The following SBNO2 variants were observed in gnomAD, a reference collection of about 807,000 sequenced individuals.
The protein encoded by SBNO2 is strawberry notch homolog 2, also known as protein strawberry notch homolog 2.
In SBNO2, 89 loss-of-function variants were observed where a neutral mutation model predicts 146.3. That is an observed-to-expected ratio of 0.61 (90% CI 0.51 to 0.73). SBNO2 has a LOEUF of 0.73. Among genes scored for constraint, SBNO2 ranks in the 30% least tolerant of loss-of-function variants. SBNO2 has a pLI of 0.00. For synonymous variants in SBNO2, 1,147 were observed against 892.6 expected (o/e 1.29, Z -5.08); for missense variants, 2,092 against 2,003.7 (o/e 1.04, Z -0.84).
chr19:1,132,587 G>A (rs944821840), intron 4 of SBNO2, among the ~76,000 whole-genome samples: 22 of 152,214 alleles, frequency 1.4e-4, no homozygotes, highest in Non-Finnish European at 2.9e-4. Flanking sequence ...ACCACAGGCA[G>A]GGAAACTGCG....
At chr19:1,160,460 G>C (rs1165392615) in intron 1 of SBNO2, among the ~76,000 whole-genome samples, 1 of 152,226 alleles carries the variant, frequency 6.6e-6, no homozygotes, top group African/African-American at 2.4e-5. Context: ...ACCCCCGAAG[G>C]GCAGTGGGGA....
rs988594899 is a variant in SBNO2, at chr19:1,126,080, T to C, written c.441+1524A>G. ...CTCCAACGTCCTGAGACGGGTGAGGTTTCCGCCCAAGCCTGCCTGAGCCCG... is the reference window on the plus strand; with the variant it reads ...CTCCAACGTCCTGAGACGGGTGAGGCTTCCGCCCAAGCCTGCCTGAGCCCG... On this transcript the variant is annotated intron_variant, in intron 5 of 31. Transcript: ENST00000361757. The surrounding 1 kb of genome is among the most constrained non-coding windows in gnomAD (Gnocchi z 4.4). Among the ~76,000 whole-genome samples the C allele has an allele frequency of 6.6e-6, 1 of 152,086 alleles. No individual in the cohort carries two copies. The highest frequency in any genetic ancestry group is 6.6e-5 in the Admixed American group (1 of 15,266).
rs1402615484 is a variant in SBNO2, at chr19:1,109,446, C to T, written c.3217-23G>A. On this transcript the variant is annotated intron_variant, in intron 28 of 31. Transcript: ENST00000361757. The surrounding 1 kb of genome is among the most constrained non-coding windows in gnomAD (Gnocchi z 4.2). ...GACCTGCGGAGGGGGGCGTTGAGGC[C>T]GCGCCCCGGTCCGCCCCCCGCGGGC... 6.4e-6 allele frequency: 10 copies of T among 1,562,854 alleles called. No homozygotes were observed. Among genetic ancestry groups the T allele is most frequent in the South Asian group, 1.2e-5 (1 of 85,392 alleles).
chr19:1,110,553 C>T lies in SBNO2; in HGVS notation c.3028+192G>A, dbSNP rs911016901. On this transcript the variant is annotated intron_variant, in intron 26 of 31. Transcript: ENST00000361757. The surrounding 1 kb of genome is among the most constrained non-coding windows in gnomAD (Gnocchi z 4.9). The stretch of plus-strand genomic sequence containing the variant: ...CAATGCACGGTGTTCCCACGAGCCC[C>T]GAGCCCACCTGGGATGCCCGGCGTT... 5.0e-5 allele frequency among the ~76,000 whole-genome samples: 7 copies of T among 139,618 alleles called. No homozygotes were observed. Among genetic ancestry groups the T allele is most frequent in the Non-Finnish European group, 8.2e-5 (5 of 61,032 alleles). The allele number at this position is 139,618 out of a possible 152,430, so 91.6% of individuals were successfully genotyped here. A position where few individuals can be genotyped will look rare whatever the true frequency, so the allele number is the denominator to read the frequency against.
chr19:1,139,741 G>A (rs2080117935), intron 4 of SBNO2, among the ~76,000 whole-genome samples: 1 of 151,918 alleles, frequency 6.6e-6, no homozygotes, highest in Non-Finnish European at 1.5e-5. Flanking sequence ...GCTGCAGTGA[G>A]CTGAGATCGT....
In SBNO2 at chr19:1,123,659, T is replaced by C. The variant is rs767943731; in HGVS notation, c.523-20A>G. On this transcript the variant is annotated intron_variant, in intron 6 of 31. Transcript: ENST00000361757. ...CTGCTCCTGCGTGCGTGGCGGGAGCTCAGCGGAGACTGCAGGCCTGAGCGG... is the reference window on the plus strand; with the variant it reads ...CTGCTCCTGCGTGCGTGGCGGGAGCCCAGCGGAGACTGCAGGCCTGAGCGG... The C allele has an allele frequency of 4.4e-6, 7 of 1,597,846 alleles. No homozygotes were observed. In the South Asian group the frequency reaches 7.8e-5, roughly 18 times the overall value.
chr19:1,147,566 GCACA>G, intron 3 of SBNO2, 146 bp from the exon 4 acceptor site: 1 of 527,338 alleles, frequency 1.9e-6, no homozygotes, highest in Non-Finnish European at 3.3e-6. Flanking sequence ...TGGCCCCGCT[GCACA>G]TACAGAGGGG....
At chr19:1,149,296 A>G in intron 3 of SBNO2, 73 bp downstream of exon 3, 3 of 1,415,646 alleles carry the variant, frequency 2.1e-6, no homozygotes, top group Non-Finnish European at 9.7e-7. Flanking sequence ...CCCTGCACCC[A>G]GAACTCCGTT....
chr19:1,152,968 C>T (rs1193099276), intron 2 of SBNO2, among the ~76,000 whole-genome samples: 3 of 151,932 alleles, frequency 2.0e-5, no homozygotes, highest in Admixed American at 1.3e-4. Context: ...GCGTGTCCAA[C>T]GGGGCAAAAC....
rs745485718 is a variant in SBNO2, at chr19:1,111,552, C to T, written c.2763G>A (p.Val921=). Residue 921 remains valine, a synonymous_variant, in exon 24 of 32, where the codon GTG becomes GTA. Transcript: ENST00000361757. The part of the protein sequence containing the change: ...TTILSQTENK[V]PVPQGYPGGV... Reference sequence around the variant, plus strand: ...CTCCAGGGTATCCCTGGGGCACAGGCACTTTGTTCTCAGTCTGGCTCAGGA... The same window carrying T: ...CTCCAGGGTATCCCTGGGGCACAGGTACTTTGTTCTCAGTCTGGCTCAGGA... The T allele has an allele frequency of 7.5e-6, 12 of 1,596,958 alleles. No homozygotes were observed. Among genetic ancestry groups the T allele is most frequent in the Non-Finnish European group, 1.0e-5 (12 of 1,172,166 alleles).
chr19:1,118,996 G>T lies in SBNO2; in HGVS notation c.1527+15C>A. 8 of 1,572,260 alleles carry T rather than the reference G, an allele frequency of 5.1e-6. No individual in the cohort carries two copies. Among genetic ancestry groups the T allele is most frequent in the Non-Finnish European group, 6.9e-6 (8 of 1,159,934 alleles). ...GAAACGCACAGGGGTCCCCGGGTCG[G>T]GTGCGCAGGCTCACCAGCAGGGCCG... On this transcript the variant is annotated intron_variant, in intron 14 of 31. Coordinates refer to ENST00000361757, the MANE Select transcript of SBNO2 (RefSeq NM_014963.3).
chr19:1,119,189 A>G, intron 13 of SBNO2, 25 bp from the exon 14 acceptor site: 1 of 1,577,268 alleles, frequency 6.3e-7, no homozygotes, highest in Non-Finnish European at 8.6e-7. Flanking sequence ...AGCCCCCGTG[A>G]GCACGGCCAG....
rs558272513 is a variant in SBNO2, at chr19:1,154,345, G to C, written c.-69C>G. The C allele has an allele frequency of 4.6e-6, 4 of 874,868 alleles. No homozygotes were observed. The East Asian group carries it at 1.3e-4, about 29-fold the overall frequency. 54.2% of individuals were successfully genotyped at this position (874,868 alleles called of 1,614,324 possible). A position where few individuals can be genotyped will look rare whatever the true frequency, so the allele number is the denominator to read the frequency against. On this transcript the variant is annotated 5_prime_UTR_variant, in exon 2 of 32. Coordinates refer to ENST00000361757, the MANE Select transcript of SBNO2 (RefSeq NM_014963.3). ...CGGGACTCCAGGACCCGGGGCCGCC[G>C]GGGCGTCTATCTGGGCTTCTCGCTC...
chr19:1,129,313 GTC>G (rs2080002203), intron 4 of SBNO2, among the ~76,000 whole-genome samples: 4 of 152,064 alleles, frequency 2.6e-5, no homozygotes. Flanking sequence ...AGGGGGCGCT[GTC>G]TCTCCCTGGA....
Position 1,112,462 on chromosome 19 carries a change from G to A in SBNO2, c.2455C>T (p.Arg819Cys), listed in dbSNP as rs2078738448. The change falls in exon 21 of 32, where the codon CGC becomes TGC. Residue 819 changes from arginine (R) to cysteine (C), a missense_variant. Coordinates refer to ENST00000361757, the MANE Select transcript of SBNO2 (RefSeq NM_014963.3). The surrounding 1 kb of genome is among the most constrained non-coding windows in gnomAD (Gnocchi z 5.9). The part of the protein sequence containing the change: ...QADRRVQNQR[R>C]RVHMTLELPW... ...AGCTCCAAGGTCATGTGCACGCGGCGCCGCTGGTTCTGGACACGGCGGTCG... is the reference window on the plus strand; with the variant it reads ...AGCTCCAAGGTCATGTGCACGCGGCACCGCTGGTTCTGGACACGGCGGTCG... 6.2e-7 allele frequency: 1 copy of A among 1,607,706 alleles called. No homozygotes were observed.
At chr19:1,119,326 G>A (rs955276150) in intron 13 of SBNO2, among the ~76,000 whole-genome samples, 162 bp from the exon 14 acceptor site, 3 of 152,208 alleles carry the variant, frequency 2.0e-5, no homozygotes, top group South Asian at 2.1e-4. Context: ...GGACGGGGCA[G>A]GAAGGGCTGC....
intron 1 of SBNO2, among the ~76,000 whole-genome samples, chr19:1,159,071 C>T (rs551877461): frequency 1.3e-5 from 2 of 151,830 alleles, no homozygotes; most frequent in African/African-American, 2.4e-5. Context: ...CTGCAACCGC[C>T]GCCCCACAGC....
At chr19:1,135,888 C>A (rs568722956) in intron 4 of SBNO2, among the ~76,000 whole-genome samples, 10 of 152,280 alleles carry the variant, frequency 6.6e-5, no homozygotes, top group African/African-American at 2.4e-4. Flanking sequence ...GGCCCCTCAG[C>A]AGGCCTGGTC....
rs374890445 is a variant in SBNO2, at chr19:1,171,410, G to A, written c.-127+2762C>T. Reference sequence around the variant, plus strand: ...GCAACATACAGATACACAAAGACACGTGTACACACACATGCAGAGTCCCCA... The same window carrying A: ...GCAACATACAGATACACAAAGACACATGTACACACACATGCAGAGTCCCCA... On this transcript the variant is annotated intron_variant, in intron 1 of 31. Transcript: ENST00000361757. Among the ~76,000 whole-genome samples, 21 of 152,270 alleles carry A rather than the reference G, an allele frequency of 1.4e-4. No individual in the cohort carries two copies. The East Asian group carries it at 2.3e-3, about 17-fold the overall frequency.
Sources: allele counts gnomAD v4.1 joint callset (sites outside exome capture counted in the v4.1 genomes callset), GRCh38; gene constraint gnomAD v4.1.1; non-coding constraint Gnocchi (gnomAD v3.1); transcripts MANE v1.5; gene names NCBI Gene and HGNC (gene_info 2026-07-23, HGNC 2026-07-21).